The following MCUB variants were observed in gnomAD, a reference collection of about 807,000 sequenced individuals.
The protein encoded by MCUB is mitochondrial calcium uniporter dominant negative subunit beta, also known as calcium uniporter regulatory subunit MCUb, mitochondrial.
A neutral mutation model predicts 41.4 loss-of-function variants in MCUB; 46 were observed. The observed-to-expected ratio is 1.11, with a 90% CI of 0.88 to 1.42. The LOEUF (loss-of-function observed/expected upper bound fraction) is 1.42. Among genes scored for constraint, MCUB ranks in the 40% most tolerant of loss-of-function variants. MCUB has a pLI of 0.00. For synonymous variants in MCUB, 148 were observed against 148.2 expected, an observed-to-expected ratio of 1.00 and a Z score of 0.01; for missense variants, 403 against 404.9, an observed-to-expected ratio of 1.00 and a Z score of 0.04.
intron 1 of MCUB, among the ~76,000 whole-genome samples, chr4:109,637,202 G>GA (rs748680883): frequency 3.9e-4 from 59 of 152,292 alleles, no homozygotes; most frequent in South Asian, 8.3e-4. Flanking sequence ...CTTGGAAGGA[G>GA]ATATGATCCC....
intron 1 of MCUB, among the ~76,000 whole-genome samples, chr4:109,601,190 CA>C (rs1225915055): frequency 2.6e-5 from 4 of 152,200 alleles, no homozygotes; most frequent in Admixed American, 6.5e-5. Flanking sequence ...TTGATACAGG[CA>C]TGCAGTGTGT....
intron 1 of MCUB, among the ~76,000 whole-genome samples, chr4:109,612,827 C>T (rs1176376002): frequency 6.6e-6 from 1 of 152,102 alleles, no homozygotes; most frequent in Non-Finnish European, 1.5e-5. Context: ...AGGAATTAGG[C>T]CGGGTGCGGT....
intron 1 of MCUB, among the ~76,000 whole-genome samples, chr4:109,626,574 A>G (rs896971578): frequency 6.6e-6 from 1 of 152,036 alleles, no homozygotes; most frequent in African/African-American, 2.4e-5. Context: ...GCACTTTGGG[A>G]GGCCGAGGCA....
chr4:109,604,726 GGAT>G (rs1208627121), intron 1 of MCUB, among the ~76,000 whole-genome samples: 2 of 152,176 alleles, frequency 1.3e-5, no homozygotes, highest in African/African-American at 4.8e-5. Flanking sequence ...TATCATGAAA[GGAT>G]GTTGAATTTT....
intron 4 of MCUB, among the ~76,000 whole-genome samples, chr4:109,664,654 T>G (rs1729306134): frequency 6.6e-6 from 1 of 152,110 alleles, no homozygotes; most frequent in Non-Finnish European, 1.5e-5. Flanking sequence ...TCTTCACTTT[T>G]ACCTTTAGCT....
intron 1 of MCUB, among the ~76,000 whole-genome samples, chr4:109,644,094 T>C (rs1728779988): frequency 6.6e-6 from 1 of 152,138 alleles, no homozygotes; most frequent in Non-Finnish European, 1.5e-5. Flanking sequence ...TCATGTTCAG[T>C]AGAGGGGCAA....
chr4:109,649,884 A>G (rs1487047565), intron 1 of MCUB, among the ~76,000 whole-genome samples: 1 of 152,134 alleles, frequency 6.6e-6, no homozygotes, highest in Non-Finnish European at 1.5e-5. Context: ...AGGACTCATT[A>G]TACTTCTTAA....
chr4:109,660,115 C>T, intron 2 of MCUB, 80 bp from the exon 3 acceptor site: 1 of 707,628 alleles, frequency 1.4e-6, no homozygotes, highest in South Asian at 2.0e-5. Context: ...CATGTTTGAG[C>T]ATTCCTTCTA....
At chr4:109,681,671 C>A (rs1429629131) in intron 4 of MCUB, among the ~76,000 whole-genome samples, 1 of 152,204 alleles carries the variant, frequency 6.6e-6, no homozygotes, top group African/African-American at 2.4e-5. Flanking sequence ...GGCACTTAGC[C>A]GTGCAGGAAC....
At chr4:109,651,190 A>G (rs186562103) in intron 1 of MCUB, among the ~76,000 whole-genome samples, 3 of 152,316 alleles carry the variant, frequency 2.0e-5, no homozygotes, top group East Asian at 1.9e-4. Context: ...ATGGTTTCCT[A>G]TCTCCTTCAG....
At chr4:109,633,354 G>A in intron 1 of MCUB, among the ~76,000 whole-genome samples, 1 of 151,770 alleles carries the variant, frequency 6.6e-6, no homozygotes, top group East Asian at 1.9e-4. Flanking sequence ...TGTAAGCTCC[G>A]CCTCCCGGGT....
At chr4:109,644,854 G>T (rs1728798887) in intron 1 of MCUB, among the ~76,000 whole-genome samples, 1 of 152,074 alleles carries the variant, frequency 6.6e-6, no homozygotes, top group Non-Finnish European at 1.5e-5. Context: ...AATAGCTTTA[G>T]GATCCTGATA....
At position 109,685,234 on chromosome 4, in the gene MCUB, C is replaced by CTT; in HGVS notation, c.817-16_817-15insTT. 1 of 935,888 alleles carries CTT rather than the reference C, an allele frequency of 1.1e-6. No homozygotes were observed. The highest frequency in any genetic ancestry group is 1.6e-6 in the Non-Finnish European group (1 of 622,804). 58.0% of individuals were successfully genotyped at this position (935,888 alleles called of 1,614,324 possible). ...TTCAAAACATGTTGTTTTCTTCTCTCTCTCTTTTTTTTTAAGGATTATACT... is the reference window on the plus strand; with the variant it reads ...TTCAAAACATGTTGTTTTCTTCTCTCTTTCTCTTTTTTTTTAAGGATTATACT... On this transcript the variant is annotated splice_polypyrimidine_tract_variant and intron_variant, in intron 6 of 7. Transcript: ENST00000394650.
intron 1 of MCUB, among the ~76,000 whole-genome samples, chr4:109,566,479 A>AAAATAAAT (rs1292778458): frequency 3.3e-4 from 47 of 143,616 alleles, no homozygotes; most frequent in Non-Finnish European, 5.3e-4. Flanking sequence ...CAAAAAAAAA[A>AAAATAAAT]AAATAAATAA....
intron 4 of MCUB, among the ~76,000 whole-genome samples, chr4:109,674,845 C>T (rs1398116333): frequency 6.6e-6 from 1 of 152,174 alleles, no homozygotes; most frequent in Admixed American, 6.5e-5. Flanking sequence ...GGTAAATGAA[C>T]ACTTTTTAAA....
At chr4:109,606,126 C>T (rs986692265) in intron 1 of MCUB, among the ~76,000 whole-genome samples, 1 of 152,106 alleles carries the variant, frequency 6.6e-6, no homozygotes, top group Non-Finnish European at 1.5e-5. Context: ...AGGCACCTGC[C>T]ACCACGCCCA....
At chr4:109,573,962 T>A (rs1726972310) in intron 1 of MCUB, among the ~76,000 whole-genome samples, 1 of 149,144 alleles carries the variant, frequency 6.7e-6, no homozygotes, top group African/African-American at 2.5e-5. Context: ...AGCCTCCACT[T>A]CCCAGGTTCA....
chr4:109,586,680 G>T (rs1727313808), intron 1 of MCUB, among the ~76,000 whole-genome samples: 2 of 152,184 alleles, frequency 1.3e-5, no homozygotes, highest in African/African-American at 4.8e-5. Context: ...ATTCCTTTCT[G>T]TTTGTTAGTT....
intron 1 of MCUB, among the ~76,000 whole-genome samples, chr4:109,579,512 T>C (rs1282037012): frequency 6.6e-6 from 1 of 152,202 alleles, no homozygotes; most frequent in Non-Finnish European, 1.5e-5. Context: ...CCTCCCAAAG[T>C]GTAAACCTCA....
Sources: allele counts gnomAD v4.1 joint callset (sites outside exome capture counted in the v4.1 genomes callset), GRCh38; gene constraint gnomAD v4.1.1; transcripts MANE v1.5; gene names NCBI Gene and HGNC (gene_info 2026-07-23, HGNC 2026-07-21).